THRA: variants seen among roughly 807,000 people sequenced by gnomAD.
THRA encodes EAR-7.
Under a neutral mutation model 45.0 loss-of-function variants are expected in THRA, and 13 were observed. The ratio of observed to expected loss-of-function variants is 0.29; its 90% CI spans 0.19 to 0.46. The LOEUF (loss-of-function observed/expected upper bound fraction) is 0.46. THRA is among the 20% of genes least tolerant of loss of function. The pLI, the probability that THRA is intolerant of heterozygous loss-of-function variation, is 1.00. For synonymous variants in THRA, 195 were observed against 214.0 expected (o/e 0.91, Z 0.78); for missense variants, 278 against 556.1 (o/e 0.50, Z 5.03).
rs1412156459 is a variant in THRA at position 40,090,073 on chromosome 17, G to C, written c.*617G>C. 2 of 978,024 alleles carry C rather than the reference G, an allele frequency of 2.0e-6. No homozygotes were observed. Among genetic ancestry groups the C allele is most frequent in the Non-Finnish European group, 2.4e-6 (2 of 822,920 alleles). 60.6% of individuals were successfully genotyped at this position (978,024 alleles called of 1,614,324 possible). A position where few individuals can be genotyped will look rare whatever the true frequency, so the allele number is the denominator to read the frequency against. ...AAAAAGAGAGAGCGAGCGATAGAGAGAGATGATATTAAGTTATTAACTGAG... is the reference window on the plus strand; with the variant it reads ...AAAAAGAGAGAGCGAGCGATAGAGACAGATGATATTAAGTTATTAACTGAG... On this transcript the variant is annotated 3_prime_UTR_variant, in exon 9 of 9. Transcript: ENST00000450525.
At chr17:40,088,909 A>C in intron 8 of THRA, among the ~76,000 whole-genome samples, 1 of 121,426 alleles carries the variant, frequency 8.2e-6, no homozygotes. Context: ...CACCAACCTC[A>C]GTCCTCCCCA....
At chr17:40,071,345 T>C (rs1000655292) in intron 1 of THRA, among the ~76,000 whole-genome samples, 2 of 152,216 alleles carry the variant, frequency 1.3e-5, no homozygotes, top group African/African-American at 2.4e-5. Flanking sequence ...TCCTCAGATA[T>C]ACAGGACTGC....
intron 1 of THRA, among the ~76,000 whole-genome samples, chr17:40,065,782 G>T (rs1387182258): frequency 4.8e-5 from 7 of 147,270 alleles, no homozygotes; most frequent in East Asian, 2.0e-4. Flanking sequence ...AGGGGGGGGG[G>T]GTCAGCCACT....
chr17:40,073,645 A>G (rs1986853320), intron 1 of THRA, among the ~76,000 whole-genome samples: 2 of 152,184 alleles, frequency 1.3e-5, no homozygotes, highest in Non-Finnish European at 2.9e-5. Flanking sequence ...GTTGGGGATC[A>G]TAACTTGGCT....
intron 2 of THRA, 133 bp from the exon 3 acceptor site, chr17:40,076,738 C>T (rs1986967835): frequency 1.1e-6 from 1 of 889,150 alleles, no homozygotes; most frequent in Non-Finnish European, 1.7e-6. Context: ...TCAGCTGACC[C>T]TGGGGGGTGG....
Position 40,076,859 on chromosome 17 carries a change from G to T in THRA, c.54-12G>T. ...ACTGCTCTGTGATTCTGCCCACTTT[G>T]CCTCCATCCAGTGCCAGGTCACCAG... On this transcript the variant is annotated splice_polypyrimidine_tract_variant and intron_variant, in intron 2 of 8. Transcript: ENST00000450525. 6.2e-7 allele frequency: 1 copy of T among 1,613,958 alleles called. No individual in the cohort carries two copies. The highest frequency in any genetic ancestry group is 1.1e-5 in the South Asian group (1 of 91,078).
intron 1 of THRA, among the ~76,000 whole-genome samples, chr17:40,066,445 C>G (rs1008562409): frequency 6.6e-6 from 1 of 152,086 alleles, no homozygotes; most frequent in African/African-American, 2.4e-5. Context: ...AGGCAGATCA[C>G]CTGAGGTCAG....
chr17:40,084,198 A>C (rs558381151), intron 5 of THRA, among the ~76,000 whole-genome samples: 2 of 152,246 alleles, frequency 1.3e-5, no homozygotes, highest in African/African-American at 4.8e-5. Flanking sequence ...CCTGCCTTAC[A>C]ACACTCGAGG....
At chr17:40,062,589 G>A, upstream of THRA, 1 of 152,260 alleles carries the variant, frequency 6.6e-6, no homozygotes, top group Non-Finnish European at 1.5e-5. Context: ...CACCCTCACG[G>A]TGCACACCCG....
chr17:40,086,993 GACAC>G (rs146605509), intron 7 of THRA, 140 bp downstream of exon 7: 18 of 1,047,302 alleles, frequency 1.7e-5, no homozygotes, highest in Non-Finnish European at 2.3e-5. Flanking sequence ...AACATACACA[GACAC>G]ACACACACAC....
downstream of THRA, chr17:40,093,328 T>TGAG (rs1987661400): frequency 6.2e-7 from 1 of 1,613,124 alleles, no homozygotes; most frequent in Non-Finnish European, 8.5e-7. This position sits in a 1 kb window ranked among gnomAD's most constrained non-coding sequence, Gnocchi z 5.9. Context: ...CGAGCTCCTC[T>TGAG]GAGGAGGAAC....
At chr17:40,084,244 C>A (rs1987244914) in intron 5 of THRA, among the ~76,000 whole-genome samples, 1 of 152,154 alleles carries the variant, frequency 6.6e-6, no homozygotes, top group South Asian at 2.1e-4. Flanking sequence ...GAAAGAGCTC[C>A]TGGGCACCCA....
intron 2 of THRA, among the ~76,000 whole-genome samples, 169 bp from the exon 3 acceptor site, chr17:40,076,702 A>G (rs779968081): frequency 5.3e-5 from 8 of 152,152 alleles, no homozygotes; most frequent in Non-Finnish European, 1.2e-4. Flanking sequence ...TGCAACTTCC[A>G]GATAACTGGA....
intron 7 of THRA, 110 bp from the exon 8 acceptor site, chr17:40,088,132 A>C: frequency 4.2e-6 from 6 of 1,425,326 alleles, no homozygotes; most frequent in Non-Finnish European, 5.6e-6. Context: ...AGCCGTTCAG[A>C]GTCCATGGGG....
Position 40,089,862 on chromosome 17 carries a change from T to G in THRA, c.*406T>G. On this transcript the variant is annotated 3_prime_UTR_variant, in exon 9 of 9. Coordinates refer to ENST00000450525, the MANE Select transcript of THRA (RefSeq NM_199334.5). This position sits in a 1 kb window ranked among gnomAD's most constrained non-coding sequence, Gnocchi z 6.1. ...CACATGAGAGAGAGCCCCCACCCAGTTCCTTGGCCTAGGTCTCCCCTCCAG... is the reference window on the plus strand; with the variant it reads ...CACATGAGAGAGAGCCCCCACCCAGGTCCTTGGCCTAGGTCTCCCCTCCAG... 1.9e-6 allele frequency: 2 copies of G among 1,025,876 alleles called. No individual in the cohort carries two copies. The highest frequency in any genetic ancestry group is 1.7e-5 in the African/African-American group (1 of 58,264). 63.5% of individuals were successfully genotyped at this position (1,025,876 alleles called of 1,614,324 possible).
intron 7 of THRA, among the ~76,000 whole-genome samples, chr17:40,087,821 C>T (rs1333901432): frequency 5.3e-5 from 8 of 152,144 alleles, no homozygotes; most frequent in African/African-American, 1.9e-4. Flanking sequence ...TGCAGTGACG[C>T]GATCTGGGCT....
intron 1 of THRA, among the ~76,000 whole-genome samples, chr17:40,067,207 G>A (rs577564218): frequency 2.2e-4 from 33 of 151,890 alleles, no homozygotes; most frequent in Admixed American, 5.9e-4. Flanking sequence ...TTTGACCCTC[G>A]CCCTTCAGCT....
Position 40,086,781 on chromosome 17 carries a change from G to A in THRA, c.651G>A (p.Glu217=), listed in dbSNP as rs763254991. ...GDKVDLEAFS[E]FTKIITPAIT... The stretch of plus-strand genomic sequence containing the variant: ...AGGTGGACCTGGAAGCCTTCAGCGA[G>A]TTTACCAAGATCATCACCCCGGCCA... The change falls in exon 7 of 9, where the codon GAG becomes GAA. Residue 217 remains glutamate, a synonymous_variant. Coordinates refer to ENST00000450525, the MANE Select transcript of THRA (RefSeq NM_199334.5). The A allele has an allele frequency of 6.2e-7, 1 of 1,614,172 alleles. No homozygotes were observed. Among genetic ancestry groups the A allele is most frequent in the Non-Finnish European group, 8.5e-7 (1 of 1,180,030 alleles).
At chr17:40,066,663 C>CAAAAAAAAAAAAAAAAAAAA (rs553082902) in intron 1 of THRA, among the ~76,000 whole-genome samples, 3 of 49,506 alleles carry the variant, frequency 6.1e-5, no homozygotes, top group Admixed American at 2.3e-4. Flanking sequence ...GACTCCGTCT[C>CAAAAAAAAAAAAAAAAAAAA]AAAAAAAAAA....
Sources: gnomAD v4.1 joint callset for allele counts (sites outside exome capture counted in the v4.1 genomes callset) on GRCh38, gnomAD v4.1.1 for gene constraint, Gnocchi (gnomAD v3.1) non-coding constraint, MANE v1.5 for transcripts, NCBI Gene and HGNC (gene_info 2026-07-23, HGNC 2026-07-21) for gene names.